The following SNX29 variants were observed in gnomAD, a reference collection of about 807,000 sequenced individuals.
SNX29 encodes the protein sorting nexin-29.
A neutral mutation model predicts 102.1 loss-of-function variants in SNX29; 78 were observed. The ratio of observed to expected loss-of-function variants is 0.76; its 90% CI spans 0.64 to 0.92. SNX29 has a LOEUF of 0.92. Ranked by LOEUF, SNX29 falls within the 40% of genes least tolerant of loss-of-function variation. SNX29 has a pLI of 0.00. For missense variants in SNX29, 1,280 were observed against 1,061.7 expected, an observed-to-expected ratio of 1.21 and a Z score of -2.86; for synonymous variants, 580 against 414.5, an observed-to-expected ratio of 1.40 and a Z score of -4.85.
intron 14 of SNX29, among the ~76,000 whole-genome samples, chr16:12,259,650 A>T (rs974661081): frequency 6.6e-6 from 1 of 152,152 alleles, no homozygotes. Flanking sequence ...ACATTTTCTC[A>T]TCACCTAATG....
chr16:12,322,812 T>G (rs1050373633), intron 15 of SNX29, among the ~76,000 whole-genome samples: 4 of 56,688 alleles, frequency 7.1e-5, no homozygotes, highest in African/African-American at 2.3e-4. Flanking sequence ...ATATGGTCAC[T>G]GGAATCACTG....
chr16:12,542,241 A>G (rs1032446432), intron 20 of SNX29, among the ~76,000 whole-genome samples: 1 of 148,890 alleles, frequency 6.7e-6, no homozygotes, highest in African/African-American at 2.4e-5. Context: ...ACCTAGTGTT[A>G]TTCCCTTTAT....
At chr16:12,152,843 G>A (rs374364389) in intron 13 of SNX29, among the ~76,000 whole-genome samples, 1 of 152,210 alleles carries the variant, frequency 6.6e-6, no homozygotes, top group East Asian at 1.9e-4. Flanking sequence ...TAATCGTCGT[G>A]GTTGCCAGTG....
At chr16:12,566,805 A>G (rs528163286) in intron 20 of SNX29, among the ~76,000 whole-genome samples, 2 of 152,258 alleles carry the variant, frequency 1.3e-5, no homozygotes, top group East Asian at 1.9e-4. Flanking sequence ...GGGCTCAGAG[A>G]TGATTCAGAG....
chr16:12,009,425 G>GTA (rs1345421482), intron 3 of SNX29, among the ~76,000 whole-genome samples: 1 of 150,592 alleles, frequency 6.6e-6, no homozygotes, highest in Non-Finnish European at 1.5e-5. Flanking sequence ...ATGTATACAT[G>GTA]TATATATATA....
chr16:12,552,471 C>A (rs765212068), intron 20 of SNX29, among the ~76,000 whole-genome samples: 2 of 152,262 alleles, frequency 1.3e-5, no homozygotes, highest in South Asian at 2.1e-4. Context: ...ATCTCATCAC[C>A]CAACGATTGG....
chr16:12,340,734 A>G (rs1030424029), intron 15 of SNX29, among the ~76,000 whole-genome samples: 4 of 152,168 alleles, frequency 2.6e-5, no homozygotes, highest in Non-Finnish European at 5.9e-5. Context: ...GGCAGCAAAC[A>G]TCTCTAAGAG....
intron 15 of SNX29, among the ~76,000 whole-genome samples, chr16:12,282,439 T>A (rs1224936334): frequency 6.6e-6 from 1 of 152,134 alleles, no homozygotes; most frequent in Admixed American, 6.5e-5. Context: ...AACAGCAGAG[T>A]GAGAGTTCCT....
chr16:12,509,719 GA>G (rs1278081477), intron 19 of SNX29, among the ~76,000 whole-genome samples: 1 of 152,182 alleles, frequency 6.6e-6, no homozygotes, highest in Non-Finnish European at 1.5e-5. Context: ...AGGAGTTTGA[GA>G]CCAACCTGAG....
At chr16:12,241,035 T>C (rs2078088669) in intron 14 of SNX29, among the ~76,000 whole-genome samples, 1 of 152,256 alleles carries the variant, frequency 6.6e-6, no homozygotes, top group Non-Finnish European at 1.5e-5. Context: ...CTTCCGTTTG[T>C]AGTATGCGTG....
Position 12,257,690 on chromosome 16 carries a change from A to AT in SNX29, c.1679-20225dup, listed in dbSNP as rs33963423. Among the ~76,000 whole-genome samples, 1,034 of 141,034 alleles carry AT rather than the reference A, an allele frequency of 7.3e-3. 4 individuals are homozygous for AT. The highest frequency in any genetic ancestry group is 9.5e-3 in the Non-Finnish European group (615 of 64,832). 92.5% of individuals were successfully genotyped at this position (141,034 alleles called of 152,430 possible). On this transcript the variant is annotated intron_variant, in intron 14 of 20. Coordinates refer to ENST00000566228, the MANE Select transcript of SNX29 (RefSeq NM_032167.5). Reference sequence around the variant, plus strand: ...CACCACCATGCCCGGCTTATTTAAAATTTTTTTTTTTTTTTTTTGTAGCAT... The same window carrying AT: ...CACCACCATGCCCGGCTTATTTAAAATTTTTTTTTTTTTTTTTTTGTAGCAT...
intron 3 of SNX29, among the ~76,000 whole-genome samples, chr16:12,011,459 G>C (rs999991337): frequency 8.6e-5 from 13 of 151,870 alleles, no homozygotes; most frequent in African/African-American, 3.1e-4. Flanking sequence ...GTTTTTAGTA[G>C]AGACGGGGTT....
intron 14 of SNX29, among the ~76,000 whole-genome samples, chr16:12,233,785 A>G (rs2077841923): frequency 6.6e-6 from 1 of 152,062 alleles, no homozygotes; most frequent in African/African-American, 2.4e-5. Context: ...GGGCCTGGCA[A>G]GCACCATTCT....
intron 15 of SNX29, among the ~76,000 whole-genome samples, chr16:12,355,862 AAAAAAAAAAAAAAAG>A (rs1292496849): frequency 1.8e-4 from 27 of 150,400 alleles, no homozygotes; most frequent in Non-Finnish European, 3.3e-4. Context: ...AAAAAAAAAA[AAAAAAAAAAAAAAAG>A]AGAGAGGAAA....
At chr16:12,236,184 T>C (rs992681072) in intron 14 of SNX29, among the ~76,000 whole-genome samples, 3 of 152,144 alleles carry the variant, frequency 2.0e-5, no homozygotes, top group Non-Finnish European at 4.4e-5. Flanking sequence ...ACCCATCCAC[T>C]GTTGCCCCAA....
intron 15 of SNX29, among the ~76,000 whole-genome samples, chr16:12,326,525 G>A (rs1280480885): frequency 6.6e-6 from 1 of 152,084 alleles, no homozygotes; most frequent in African/African-American, 2.4e-5. Flanking sequence ...CTCTGCCGGT[G>A]TGTCTCACAG....
rs778697876 is a variant in SNX29 at position 12,051,886 on chromosome 16, T to G, written c.788T>G (p.Val263Gly). The G allele has an allele frequency of 1.1e-5, 17 of 1,612,504 alleles. No individual in the cohort carries two copies. The highest frequency in any genetic ancestry group is 1.7e-5 in the Admixed American group (1 of 59,790). The change falls in exon 8 of 21, where the codon GTG becomes GGG. Residue 263 changes from valine to glycine, a missense_variant. Coordinates refer to ENST00000566228, the MANE Select transcript of SNX29 (RefSeq NM_032167.5). Reference sequence around the variant, plus strand: ...AAGGAGCGGAAGAAGAAAAAGAAAGTGACCAACATAATCTCATTTGATGAT... The same window carrying G: ...AAGGAGCGGAAGAAGAAAAAGAAAGGGACCAACATAATCTCATTTGATGAT... ...CKKERKKKKK[V>G]TNIISFDDEE...
chr16:12,520,543 A>G (rs549767452), intron 19 of SNX29, among the ~76,000 whole-genome samples: 3 of 152,350 alleles, frequency 2.0e-5, no homozygotes, highest in South Asian at 2.1e-4. Flanking sequence ...AGAAACGAGC[A>G]TGAGTGAAGA....
intron 18 of SNX29, among the ~76,000 whole-genome samples, chr16:12,436,876 C>G (rs984960410): frequency 1.3e-5 from 2 of 152,228 alleles, no homozygotes; most frequent in Non-Finnish European, 2.9e-5. Flanking sequence ...TGGTTTCGAA[C>G]TACTGGCCTC....
Sources: gnomAD v4.1 joint callset for allele counts (sites outside exome capture counted in the v4.1 genomes callset) on GRCh38, gnomAD v4.1.1 for gene constraint, MANE v1.5 for transcripts, NCBI Gene and HGNC (gene_info 2026-07-23, HGNC 2026-07-21) for gene names.